Variants in DTNA observed in about 807,000 individuals in gnomAD.
DTNA encodes the protein dystrobrevin alpha.
In DTNA, 43 loss-of-function variants were observed where a neutral mutation model predicts 100.7. The ratio of observed to expected loss-of-function variants is 0.43; its 90% CI spans 0.33 to 0.55. DTNA has a LOEUF of 0.55. Ranked by LOEUF, DTNA falls within the 20% of genes least tolerant of loss-of-function variation. The pLI, the probability that DTNA is intolerant of heterozygous loss-of-function variation, is 0.04. For missense variants in DTNA, 798 were observed against 953.9 expected (o/e 0.84, Z 2.15); for synonymous variants, 349 against 347.9 (o/e 1.00, Z -0.04).
rs933997232 is a variant in DTNA at position 34,586,104 on chromosome 18, A to C, written c.-2+92590A>C. Among the ~76,000 whole-genome samples, 5 of 152,210 alleles carry C rather than the reference A, an allele frequency of 3.3e-5. No homozygotes were observed. The East Asian group carries it at 9.6e-4, about 29-fold the overall frequency. ...CTATGCTTTGTCATTGTTATGTTTC[A>C]GTGAACTATTTCCTTTGAAGAAAAG... On this transcript the variant is annotated intron_variant, in intron 1 of 19. Coordinates refer to the DTNA transcript ENST00000283365.
At chr18:34,603,334 T>C (rs2052352138) in intron 1 of DTNA, among the ~76,000 whole-genome samples, 1 of 152,206 alleles carries the variant, frequency 6.6e-6, no homozygotes, top group African/African-American at 2.4e-5. Context: ...GTAATACTTT[T>C]ATATAAAGCT....
At chr18:34,614,880 C>T (rs889233695) in intron 1 of DTNA, among the ~76,000 whole-genome samples, 13 of 152,286 alleles carry the variant, frequency 8.5e-5, no homozygotes, top group Middle Eastern at 6.8e-3. Context: ...TGAGAGGATT[C>T]GCTCCAATTT....
intron 1 of DTNA, among the ~76,000 whole-genome samples, chr18:34,673,717 T>A (rs1235128095): frequency 6.6e-6 from 1 of 152,214 alleles, no homozygotes; most frequent in East Asian, 1.9e-4. Flanking sequence ...AAATTCTACA[T>A]TCATTGCTGA....
intron 1 of DTNA, among the ~76,000 whole-genome samples, chr18:34,645,847 T>C (rs915965399): frequency 2.0e-5 from 3 of 152,208 alleles, no homozygotes; most frequent in African/African-American, 7.2e-5. Context: ...TCTAGTTTTT[T>C]AACCATTTTT....
Position 34,890,632 on chromosome 18 carries a change from G to GA in DTNA, c.*2901dup. On this transcript the variant is annotated 3_prime_UTR_variant, in exon 23 of 23. Transcript: ENST00000444659. ...TATTAATGGAGGAGGGGAGGAAGGT[G>GA]AAATCTACTGCATGGGATTCAGGAA... 3 of 874,876 alleles carry GA rather than the reference G, an allele frequency of 3.4e-6. No individual in the cohort carries two copies. The allele number at this position is 874,876 out of a possible 1,614,324, so 54.2% of individuals were successfully genotyped here.
intron 1 of DTNA, among the ~76,000 whole-genome samples, chr18:34,664,107 A>G (rs1015244110): frequency 2.6e-5 from 4 of 152,280 alleles, no homozygotes; most frequent in African/African-American, 9.6e-5. Context: ...CTGAAAGGCT[A>G]TGAAAAGACT....
chr18:34,820,239 C>G (rs1374258026), intron 8 of DTNA, among the ~76,000 whole-genome samples: 2 of 152,070 alleles, frequency 1.3e-5, no homozygotes, highest in Non-Finnish European at 2.9e-5. Context: ...TGGATTCCCG[C>G]AAAATCTTCC....
chr18:34,604,943 AT>A (rs1256931339), intron 1 of DTNA, among the ~76,000 whole-genome samples: 1 of 152,210 alleles, frequency 6.6e-6, no homozygotes, highest in Non-Finnish European at 1.5e-5. Flanking sequence ...TACCCATAAC[AT>A]TTCTTACAAT....
At chr18:34,787,435 C>A (rs913833120) in intron 3 of DTNA, among the ~76,000 whole-genome samples, 1 of 152,186 alleles carries the variant, frequency 6.6e-6, no homozygotes, top group Non-Finnish European at 1.5e-5. Context: ...CTCAGGGATT[C>A]AAGAAAGGCT....
chr18:34,585,728 A>G (rs1041181736), intron 1 of DTNA, among the ~76,000 whole-genome samples: 3 of 152,068 alleles, frequency 2.0e-5, no homozygotes, highest in Non-Finnish European at 2.9e-5. Context: ...TTGAAAATCA[A>G]AAAGTAGGTA....
At chr18:34,856,573 G>A (rs1410878795) in intron 15 of DTNA, among the ~76,000 whole-genome samples, 2 of 152,176 alleles carry the variant, frequency 1.3e-5, no homozygotes, top group Non-Finnish European at 2.9e-5. Flanking sequence ...AGAAGACTGA[G>A]GCAGGCTGAT....
intron 1 of DTNA, among the ~76,000 whole-genome samples, chr18:34,624,366 A>G (rs2057006725): frequency 6.6e-6 from 1 of 152,222 alleles, no homozygotes; most frequent in Admixed American, 6.5e-5. Flanking sequence ...TATAGAAAGT[A>G]CCTACTATGT....
chr18:34,801,509 A>G (rs1308745673), intron 4 of DTNA, among the ~76,000 whole-genome samples: 1 of 150,252 alleles, frequency 6.7e-6, no homozygotes, highest in Non-Finnish European at 1.5e-5. Context: ...TAAAAATAAA[A>G]TAACTTTTTT....
At chr18:34,623,428 G>A (rs764940281) in intron 1 of DTNA, among the ~76,000 whole-genome samples, 3 of 152,140 alleles carry the variant, frequency 2.0e-5, no homozygotes, top group Non-Finnish European at 2.9e-5. Context: ...AAAATGTATA[G>A]TACAAAAATT....
intron 6 of DTNA, 119 bp downstream of exon 6, chr18:34,812,232 T>C: frequency 7.0e-7 from 1 of 1,436,768 alleles, no homozygotes; most frequent in Non-Finnish European, 9.6e-7. Context: ...CAACCTGTAT[T>C]GTATTTTTCA....
intron 8 of DTNA, 79 bp downstream of exon 8, chr18:34,818,409 G>T: frequency 6.4e-7 from 1 of 1,566,456 alleles, no homozygotes. Flanking sequence ...AAGGATGGTG[G>T]CAGAATTAAA....
rs562410278 is a variant in DTNA, at chr18:34,649,350, T to C, written c.-1-106626T>C. On this transcript the variant is annotated intron_variant, in intron 1 of 19. Coordinates refer to the DTNA transcript ENST00000283365. The stretch of plus-strand genomic sequence containing the variant: ...TGCAAAACGGCTGCTATTGCACAAG[T>C]AAGAATGCTGTGAGGGACTGGTGAA... 1.9e-4 allele frequency among the ~76,000 whole-genome samples: 29 copies of C among 152,264 alleles called. No homozygotes were observed. The South Asian group carries it at 6.0e-3, about 32-fold the overall frequency.
At chr18:34,540,770 G>A (rs2044171600) in intron 1 of DTNA, among the ~76,000 whole-genome samples, 1 of 152,032 alleles carries the variant, frequency 6.6e-6, no homozygotes, top group African/African-American at 2.4e-5. Flanking sequence ...AAATAGACTT[G>A]ATATCATTAA....
intron 5 of DTNA, 131 bp from the exon 6 acceptor site, chr18:34,811,828 A>T (rs1164255451): frequency 1.9e-6 from 2 of 1,053,422 alleles, no homozygotes; most frequent in Admixed American, 4.4e-5. Context: ...CATAAAAATT[A>T]GCTTTTATAT....
Sources: gnomAD v4.1 joint callset for allele counts (sites outside exome capture counted in the v4.1 genomes callset) on GRCh38, gnomAD v4.1.1 for gene constraint, MANE v1.5 for transcripts, NCBI Gene and HGNC (gene_info 2026-07-23, HGNC 2026-07-21) for gene names.